Variants in CD6 observed in about 807,000 individuals in gnomAD.
CD6 encodes CD6 molecule, also known as T-cell differentiation antigen CD6.
In CD6, 53 loss-of-function variants were observed where a neutral mutation model predicts 75.3. The ratio of observed to expected loss-of-function variants is 0.70; its 90% CI spans 0.56 to 0.88. The LOEUF is 0.88. Among genes scored for constraint, CD6 ranks in the 40% least tolerant of loss-of-function variants. CD6 has a pLI of 0.00. For synonymous variants in CD6, 359 were observed against 381.5 expected, an observed-to-expected ratio of 0.94 and a Z score of 0.69; for missense variants, 770 against 897.1, an observed-to-expected ratio of 0.86 and a Z score of 1.81.
chr11:60,988,866 C>G (rs1857936117), intron 1 of CD6, among the ~76,000 whole-genome samples: 2 of 152,202 alleles, frequency 1.3e-5, no homozygotes, highest in Admixed American at 6.5e-5. Flanking sequence ...TGGGTGGGGG[C>G]AGGCCCCCTG....
chr11:61,005,583 T>A (rs1453987857), intron 1 of CD6, among the ~76,000 whole-genome samples: 1 of 152,226 alleles, frequency 6.6e-6, no homozygotes, highest in African/African-American at 2.4e-5. Flanking sequence ...TGGAGCCTCC[T>A]TTTCCTAATC....
In CD6 at chr11:61,007,883, G is replaced by A. The variant is rs1389882324; in HGVS notation, c.442G>A (p.Gly148Arg). 3 of 1,376,274 alleles carry A rather than the reference G, an allele frequency of 2.2e-6. No individual in the cohort carries two copies. The highest frequency in any genetic ancestry group is 7.1e-5 in the Admixed American group (2 of 28,066). The allele number at this position is 1,376,274 out of a possible 1,614,324, so 85.3% of individuals were successfully genotyped here. ...GGTGGAGCACGCGTGCCGCAGCGAC[G>A]GGAGGCGGGCCCGTGTCACCTGTGC... ...EVVEHACRSDGRRARVTCAEN... is the reference protein window; with the variant it reads ...EVVEHACRSDRRRARVTCAEN... Residue 148 changes from glycine to arginine, a missense_variant, in exon 3 of 13, where the codon GGG (glycine) becomes AGG (arginine). Transcript: ENST00000313421. This position sits in a 1 kb window ranked among gnomAD's most constrained non-coding sequence, Gnocchi z 4.2.
At position 60,993,116 on chromosome 11, in the gene CD6, C is replaced by T. The variant is rs979272375; in HGVS notation, c.50-13458C>T. On this transcript the variant is annotated intron_variant, in intron 1 of 12. Coordinates refer to ENST00000313421, the MANE Select transcript of CD6 (RefSeq NM_006725.5). Reference sequence around the variant, plus strand: ...GGTCTGGCACGGGAGCCTGAGCCAGCCTTGGAGCCAGGACCCCAGGAGACT... The same window carrying T: ...GGTCTGGCACGGGAGCCTGAGCCAGTCTTGGAGCCAGGACCCCAGGAGACT... Among the ~76,000 whole-genome samples the T allele has an allele frequency of 2.6e-5, 4 of 152,258 alleles. No individual in the cohort carries two copies. In the South Asian group the frequency reaches 8.3e-4, roughly 32 times the overall value.
At chr11:61,013,876 G>A in intron 7 of CD6, 43 bp from the exon 8 acceptor site, 1 of 1,428,362 alleles carries the variant, frequency 7.0e-7, no homozygotes, top group South Asian at 1.3e-5. Context: ...ACTGGGAGAG[G>A]GCAAAAAAAT....
intron 1 of CD6, chr11:60,989,494 A>T (rs1046221481): frequency 6.6e-6 from 1 of 152,516 alleles, no homozygotes; most frequent in African/African-American, 2.4e-5. Context: ...TTCCTCAAGC[A>T]TGTCTCCTGC....
intron 5 of CD6, among the ~76,000 whole-genome samples, chr11:61,010,712 G>A (rs1050262546): frequency 2.0e-5 from 3 of 152,172 alleles, no homozygotes; most frequent in South Asian, 2.1e-4. Context: ...CGGGAATGCC[G>A]ATTATGATAA....
intron 1 of CD6, among the ~76,000 whole-genome samples, chr11:60,972,190 G>A (rs1857210135): frequency 6.6e-6 from 1 of 152,106 alleles, no homozygotes; most frequent in Non-Finnish European, 1.5e-5. Flanking sequence ...GAGGAGGGAG[G>A]TGCCTCTCCC....
At chr11:60,998,487 A>T (rs1190993900) in intron 1 of CD6, among the ~76,000 whole-genome samples, 2 of 152,220 alleles carry the variant, frequency 1.3e-5, no homozygotes, top group Non-Finnish European at 2.9e-5. Context: ...GTCATGTAGC[A>T]AGTTAATGAT....
At position 60,990,806 on chromosome 11, in the gene CD6, A is replaced by AGGCTGAGGCGGGCAGATCACCTGAGGT. The variant is rs1565147498; in HGVS notation, c.50-15768_50-15767insGGCTGAGGCGGGCAGATCACCTGAGGT. Among the ~76,000 whole-genome samples the AGGCTGAGGCGGGCAGATCACCTGAGGT allele has an allele frequency of 1.3e-3, 128 of 99,752 alleles. 2 individuals carry two copies. The highest frequency in any genetic ancestry group is 3.4e-3 in the South Asian group (7 of 2,068). The allele number at this position is 99,752 out of a possible 152,430, so 65.4% of individuals were successfully genotyped here. ...TTTTATATAAATTGTACCCTACTGGACATATTGTTCTGAAACTTATTATAC... is the reference window on the plus strand; with the variant it reads ...TTTTATATAAATTGTACCCTACTGGAGGCTGAGGCGGGCAGATCACCTGAGGTCATATTGTTCTGAAACTTATTATAC... On this transcript the variant is annotated intron_variant, in intron 1 of 12. Coordinates refer to ENST00000313421, the MANE Select transcript of CD6 (RefSeq NM_006725.5).
At chr11:60,988,201 C>T (rs577708650) in intron 1 of CD6, among the ~76,000 whole-genome samples, 1 of 152,374 alleles carries the variant, frequency 6.6e-6, no homozygotes, top group South Asian at 2.1e-4. Context: ...TGAGCCTTCA[C>T]AGGCTCCTCA....
intron 1 of CD6, among the ~76,000 whole-genome samples, chr11:61,001,120 T>C (rs1858567075): frequency 6.6e-6 from 1 of 151,748 alleles, no homozygotes; most frequent in Non-Finnish European, 1.5e-5. Context: ...CATGTGGCAA[T>C]AAAAGTTTAA....
In CD6 at chr11:61,018,169, C is replaced by T. The variant is rs1859510437; in HGVS notation, c.1838-120C>T. 8.5e-6 allele frequency: 11 copies of T among 1,288,718 alleles called. No homozygotes were observed. In the South Asian group the frequency reaches 1.6e-4, roughly 18 times the overall value. The allele number at this position is 1,288,718 out of a possible 1,614,324, so 79.8% of individuals were successfully genotyped here. On this transcript the variant is annotated intron_variant, in intron 11 of 12. Coordinates refer to ENST00000313421, the MANE Select transcript of CD6 (RefSeq NM_006725.5). ...GACACATCTCCCATCTCTGGGCCTT[C>T]ACTTTGTCATTTGCCAAGCTAGGGA...
chr11:61,006,774 C>A, intron 2 of CD6, 132 bp downstream of exon 2: 1 of 710,450 alleles, frequency 1.4e-6, no homozygotes, highest in Non-Finnish European at 2.5e-6. Context: ...TCTTCCTGAC[C>A]CATCACCTGA....
At position 61,005,867 on chromosome 11, in the gene CD6, G is replaced by A. The variant is rs186316826; in HGVS notation, c.50-707G>A. Reference sequence around the variant, plus strand: ...AATCGCTTGAATCTGGGAGGTGGAGGTTGCGGTGAGCCGAGATCAAGCCAT... The same window carrying A: ...AATCGCTTGAATCTGGGAGGTGGAGATTGCGGTGAGCCGAGATCAAGCCAT... On this transcript the variant is annotated intron_variant, in intron 1 of 12. Transcript: ENST00000313421. Among the ~76,000 whole-genome samples the A allele has an allele frequency of 5.2e-3, 796 of 151,762 alleles. 4 individuals carry two copies. The highest frequency in any genetic ancestry group is 0.019 in the African/African-American group (773 of 41,348).
intron 1 of CD6, among the ~76,000 whole-genome samples, chr11:60,982,467 T>C (rs1857607588): frequency 6.6e-6 from 1 of 152,214 alleles, no homozygotes; most frequent in East Asian, 1.9e-4. Flanking sequence ...AGTACCCTTT[T>C]TGCTAGGGTG....
intron 1 of CD6, among the ~76,000 whole-genome samples, chr11:60,972,291 G>A (rs114218676): frequency 0.012 from 1,800 of 152,270 alleles, 38 homozygotes; most frequent in African/African-American, 0.042. Flanking sequence ...GACCACTGAT[G>A]GTGGTACTTT....
intron 1 of CD6, among the ~76,000 whole-genome samples, chr11:60,997,065 G>T (rs1402042473): frequency 1.3e-5 from 2 of 152,150 alleles, no homozygotes; most frequent in African/African-American, 4.8e-5. Context: ...ATGTCAATAT[G>T]TGAGTCACAT....
chr11:60,977,592 T>C (rs1857410618), intron 1 of CD6, among the ~76,000 whole-genome samples: 2 of 152,222 alleles, frequency 1.3e-5, no homozygotes, highest in Admixed American at 1.3e-4. Context: ...CAAGGTGTCA[T>C]CCACCTGACA....
chr11:61,018,412 G>C lies in CD6; in HGVS notation c.1942+19G>C. 1.9e-6 allele frequency: 3 copies of C among 1,556,880 alleles called. No homozygotes were observed. The highest frequency in any genetic ancestry group is 1.7e-4 in the Middle Eastern group (1 of 5,950). Reference sequence around the variant, plus strand: ...TGTCCAGGTGCCAATATCTGGGGAAGGGATGTGGGAGGGGGACAGAGAGGG... The same window carrying C: ...TGTCCAGGTGCCAATATCTGGGGAACGGATGTGGGAGGGGGACAGAGAGGG... On this transcript the variant is annotated intron_variant, in intron 12 of 12. Coordinates refer to ENST00000313421, the MANE Select transcript of CD6 (RefSeq NM_006725.5).
Sources: gnomAD v4.1 joint callset for allele counts (sites outside exome capture counted in the v4.1 genomes callset) on GRCh38, gnomAD v4.1.1 for gene constraint, Gnocchi (gnomAD v3.1) non-coding constraint, MANE v1.5 for transcripts, NCBI Gene and HGNC (gene_info 2026-07-23, HGNC 2026-07-21) for gene names.